Variants in PTPRE observed in about 807,000 individuals in gnomAD.
PTPRE encodes the protein protein tyrosine phosphatase receptor type E, also known as receptor-type tyrosine-protein phosphatase epsilon.
A neutral mutation model predicts 102.0 loss-of-function variants in PTPRE; 51 were observed. That is an observed-to-expected ratio of 0.50 (90% CI 0.40 to 0.63). PTPRE has a LOEUF of 0.63. Ranked by LOEUF, PTPRE falls within the 30% of genes least tolerant of loss-of-function variation. PTPRE has a pLI of 0.00. For missense variants in PTPRE, 752 were observed against 915.1 expected, an observed-to-expected ratio of 0.82 and a Z score of 2.30; for synonymous variants, 345 against 348.2, an observed-to-expected ratio of 0.99 and a Z score of 0.10.
chr10:128,078,751 G>T lies in PTPRE; in HGVS notation c.1893-809G>T, dbSNP rs74558634. On this transcript the variant is annotated intron_variant, in intron 19 of 20. Transcript: ENST00000254667. Reference sequence around the variant, plus strand: ...AAATCATTTAGGATAAACTTGAAATGAGTTCCATAGGGCACTGGAGATGCA... The same window carrying T: ...AAATCATTTAGGATAAACTTGAAATTAGTTCCATAGGGCACTGGAGATGCA... 7.8e-3 allele frequency among the ~76,000 whole-genome samples: 1,181 copies of T among 152,352 alleles called. 8 individuals are homozygous for T. Among genetic ancestry groups the T allele is most frequent in the Non-Finnish European group, 9.7e-3 (659 of 68,024 alleles).
intron 2 of PTPRE, among the ~76,000 whole-genome samples, chr10:127,989,589 T>G (rs1415575508): frequency 6.6e-6 from 1 of 152,240 alleles, no homozygotes; most frequent in Non-Finnish European, 1.5e-5. Flanking sequence ...ACTGAAACGC[T>G]GCTCCTCTCC....
At chr10:127,929,500 A>T (rs1469761800) in intron 1 of PTPRE, 1 of 152,184 alleles carries the variant, frequency 6.6e-6, no homozygotes, top group Non-Finnish European at 1.5e-5. Context: ...GGACACAAAG[A>T]TCTGAAAACT....
At chr10:128,052,835 A>C (rs116441377) in intron 6 of PTPRE, among the ~76,000 whole-genome samples, 1,801 of 152,314 alleles carry the variant, frequency 0.012, 25 homozygotes, top group Middle Eastern at 0.034. Flanking sequence ...CTGGAGCTCC[A>C]TAGAGCAGCT....
intron 1 of PTPRE, among the ~76,000 whole-genome samples, chr10:127,943,739 A>G (rs1247707137): frequency 6.6e-6 from 1 of 152,134 alleles, no homozygotes; most frequent in Non-Finnish European, 1.5e-5. Flanking sequence ...TCCCAAGGGG[A>G]TTTTATTGGT....
chr10:127,951,686 T>C (rs1849036542), intron 1 of PTPRE, among the ~76,000 whole-genome samples: 1 of 152,174 alleles, frequency 6.6e-6, no homozygotes, highest in African/African-American at 2.4e-5. Context: ...AAGGCAATTA[T>C]GATGGAAAAG....
intron 2 of PTPRE, chr10:127,987,239 C>G (rs1009227252): frequency 2.2e-6 from 2 of 899,638 alleles, no homozygotes; most frequent in Non-Finnish European, 1.4e-6. Context: ...GAAATAGGAA[C>G]ACAGATTTCC....
At chr10:127,986,337 T>C (rs1266896508) in intron 2 of PTPRE, among the ~76,000 whole-genome samples, 7 of 152,230 alleles carry the variant, frequency 4.6e-5, no homozygotes, top group African/African-American at 1.7e-4. Flanking sequence ...TTTAATGCAA[T>C]GGAATTTCAG....
chr10:128,030,728 T>G (rs780322200), intron 2 of PTPRE, among the ~76,000 whole-genome samples: 1 of 152,118 alleles, frequency 6.6e-6, no homozygotes, highest in Admixed American at 6.5e-5. Context: ...ACACTGAGGG[T>G]TGGCGTTGCC....
intron 2 of PTPRE, among the ~76,000 whole-genome samples, chr10:128,016,904 C>A (rs1446514516): frequency 2.0e-5 from 3 of 152,218 alleles, no homozygotes; most frequent in African/African-American, 7.2e-5. Context: ...GGCCTTGGCT[C>A]CCTCTGCCCC....
At chr10:127,913,819 A>G (rs61484573) in intron 1 of PTPRE, among the ~76,000 whole-genome samples, 79,370 of 152,096 alleles carry the variant, frequency 0.52, 24,388 homozygotes, top group African/African-American at 0.87. Flanking sequence ...CTACTTCCAC[A>G]ATTTGATGTC....
intron 2 of PTPRE, among the ~76,000 whole-genome samples, chr10:127,996,802 C>T (rs1435541792): frequency 6.6e-6 from 1 of 152,148 alleles, no homozygotes; most frequent in Non-Finnish European, 1.5e-5. Context: ...TGTTGCAACT[C>T]TCATTTCTTT....
At chr10:128,035,020 G>A (rs531952423) in intron 2 of PTPRE, among the ~76,000 whole-genome samples, 1 of 152,116 alleles carries the variant, frequency 6.6e-6, no homozygotes, top group Admixed American at 6.5e-5. Flanking sequence ...GTCTGGCTCT[G>A]TTGTCCAGGC....
At chr10:127,925,044 G>C (rs931582722) in intron 1 of PTPRE, among the ~76,000 whole-genome samples, 5 of 152,210 alleles carry the variant, frequency 3.3e-5, no homozygotes, top group Non-Finnish European at 2.9e-5. Flanking sequence ...CTAGAGCAAG[G>C]TTGGCAATTT....
At chr10:128,039,334 T>A (rs1847476862) in intron 2 of PTPRE, among the ~76,000 whole-genome samples, 1 of 152,190 alleles carries the variant, frequency 6.6e-6, no homozygotes, top group African/African-American at 2.4e-5. Context: ...CAGTTCTCTA[T>A]CCTTCGGGAA....
intron 2 of PTPRE, among the ~76,000 whole-genome samples, chr10:128,010,471 C>G (rs753926735): frequency 1.3e-5 from 2 of 152,216 alleles, no homozygotes; most frequent in South Asian, 4.1e-4. Context: ...GCCCAGTGCT[C>G]TCTGCCTTTT....
chr10:127,962,915 C>A (rs1294830087), intron 1 of PTPRE, among the ~76,000 whole-genome samples: 1 of 152,190 alleles, frequency 6.6e-6, no homozygotes, highest in East Asian at 1.9e-4. Context: ...GAACCAGGGG[C>A]TGGGAGAGAG....
At chr10:127,995,903 C>T (rs781688178) in intron 2 of PTPRE, among the ~76,000 whole-genome samples, 1 of 151,988 alleles carries the variant, frequency 6.6e-6, no homozygotes, top group African/African-American at 2.4e-5. Context: ...GATTTGACCT[C>T]TATTTGTAAA....
chr10:127,947,640 T>A (rs946927371), intron 1 of PTPRE, among the ~76,000 whole-genome samples: 14 of 152,254 alleles, frequency 9.2e-5, no homozygotes, highest in Admixed American at 9.2e-4. Context: ...TTCTCCCATA[T>A]GTTAAAGGAG....
In PTPRE at chr10:128,025,564, C is replaced by T. The variant is rs1299521006; in HGVS notation, c.-7-15311C>T. Among the ~76,000 whole-genome samples the T allele has an allele frequency of 5.9e-5, 9 of 152,340 alleles. No individual in the cohort carries two copies. The East Asian group carries it at 1.7e-3, about 29-fold the overall frequency. ...TAGGCCTGGGCGTCAGAGCCGGACC[C>T]TGTGCCCCCATCCTGAGCTCCTCCC... On this transcript the variant is annotated intron_variant, in intron 2 of 20. Coordinates refer to ENST00000254667, the MANE Select transcript of PTPRE (RefSeq NM_006504.6).
Sources: gnomAD v4.1 joint callset for allele counts (sites outside exome capture counted in the v4.1 genomes callset) on GRCh38, gnomAD v4.1.1 for gene constraint, MANE v1.5 for transcripts, NCBI Gene and HGNC (gene_info 2026-07-23, HGNC 2026-07-21) for gene names.